The following HECTD4 variants were observed in gnomAD, a reference collection of about 807,000 sequenced individuals.
HECTD4 encodes the protein HECT domain E3 ubiquitin protein ligase 4, also known as probable E3 ubiquitin-protein ligase HECTD4.
A neutral mutation model predicts 471.5 loss-of-function variants in HECTD4; 114 were observed. The ratio of observed to expected loss-of-function variants is 0.24; its 90% CI spans 0.21 to 0.28. HECTD4 has a LOEUF of 0.28. Among genes scored for constraint, HECTD4 ranks in the 10% least tolerant of loss-of-function variants. The pLI is 1.00. For synonymous variants in HECTD4, 2,012 were observed against 2,256.0 expected, an observed-to-expected ratio of 0.89 and a Z score of 3.07; for missense variants, 3,866 against 5,651.5, an observed-to-expected ratio of 0.68 and a Z score of 10.13.
At chr12:112,170,553 C>G in intron 68 of HECTD4, 101 bp from the exon 69 acceptor site, 1 of 1,458,292 alleles carries the variant, frequency 6.9e-7, no homozygotes, top group Non-Finnish European at 9.3e-7. Context: ...CACTCTCAGG[C>G]CCCCTGGTGG....
chr12:112,171,247 G>T lies in HECTD4; in HGVS notation c.11802C>A (p.Ser3934Arg). The T allele has an allele frequency of 6.2e-7, 1 of 1,607,576 alleles. No individual in the cohort carries two copies. Among genetic ancestry groups the T allele is most frequent in the Non-Finnish European group, 8.5e-7 (1 of 1,177,284 alleles). Residue 3934 changes from serine to arginine, a missense_variant, in exon 68 of 76, where the codon AGC (serine) becomes AGA (arginine). Ser to Arg is a moderately radical substitution (Grantham distance 110). Transcript: ENST00000682272. ...VACLLNVPIESLRLRFALLQS... is the reference protein window; with the variant it reads ...VACLLNVPIERLRLRFALLQS... The stretch of plus-strand genomic sequence containing the variant: ...GCAGCAAGGCGAAGCGCAGGCGCAG[G>T]CTCTCGATGGGCACGTCTGAGGGCG...
Position 112,382,011 on chromosome 12 carries a change from G to A in HECTD4, c.118C>T (p.Leu40=). Residue 40 remains leucine (L), a synonymous_variant, in exon 1 of 76, where the codon CTG becomes TTG. Coordinates refer to ENST00000682272, the MANE Select transcript of HECTD4 (RefSeq NM_001388303.1). ...AGGATCTCGCTGGGCAGCTCGGCCA[G>A]GTCGGTGACCCGGATCAGCCCGTCG... ...LHDGLIRVTD[L]AELPSEILGA... The A allele has an allele frequency of 8.2e-7, 1 of 1,224,694 alleles. No individual in the cohort carries two copies. The highest frequency in any genetic ancestry group is 4.3e-5 in the Admixed American group (1 of 23,406). The allele number at this position is 1,224,694 out of a possible 1,614,324, so 75.9% of individuals were successfully genotyped here. A position where few individuals can be genotyped will look rare whatever the true frequency, so the allele number is the denominator to read the frequency against.
rs768860286 is a variant in HECTD4 at position 112,235,050 on chromosome 12, TGTA to T, written c.5915+24_5915+26del. On this transcript the variant is annotated intron_variant, in intron 37 of 75. Transcript: ENST00000682272. The surrounding 1 kb of genome is among the most constrained non-coding windows in gnomAD (Gnocchi z 5.0). Reference sequence around the variant, plus strand: ...GTGACATGGGTGGTGCTTGAGGATGTGTAGCTATCACAATCATTATGGTCACCT... The same window carrying T: ...GTGACATGGGTGGTGCTTGAGGATGTGCTATCACAATCATTATGGTCACCT... 3.7e-5 allele frequency: 57 copies of T among 1,546,820 alleles called. No individual in the cohort carries two copies. Among genetic ancestry groups the T allele is most frequent in the Non-Finnish European group, 4.9e-5 (56 of 1,143,754 alleles).
At chr12:112,265,813 C>T (rs2034255602) in intron 15 of HECTD4, 65 bp downstream of exon 15, 2 of 1,224,812 alleles carry the variant, frequency 1.6e-6, no homozygotes, top group African/African-American at 3.0e-5. Flanking sequence ...TGATCAAACA[C>T]ATTTAAATGT....
Position 112,194,927 on chromosome 12 carries a change from G to A in HECTD4, c.8707C>T (p.Leu2903=), listed in dbSNP as rs1413305236. The stretch of plus-strand genomic sequence containing the variant: ...AGGAGCTGATTGGACAGCAGTTGCA[G>A]GTGCTCCAGGGTAATGTCCCGGATG... The part of the protein sequence containing the change: ...PAIRDITLEH[L]QLLSNQLLAP... The change falls in exon 56 of 76, where the codon CTG becomes TTG. Residue 2903 remains leucine (L), a synonymous_variant. Coordinates refer to ENST00000682272, the MANE Select transcript of HECTD4 (RefSeq NM_001388303.1). This position sits in a 1 kb window ranked among gnomAD's most constrained non-coding sequence, Gnocchi z 4.6. 1 of 1,609,356 alleles carries A rather than the reference G, an allele frequency of 6.2e-7. No homozygotes were observed. Among genetic ancestry groups the A allele is most frequent in the South Asian group, 1.1e-5 (1 of 89,830 alleles).
Position 112,339,661 on chromosome 12 carries a change from C to G in HECTD4, c.178-19919G>C, listed in dbSNP as rs539877984. The stretch of plus-strand genomic sequence containing the variant: ...ATAGAGATACACAAACATGCACATA[C>G]ACATCCACTCAGACCTTTTAAATAC... On this transcript the variant is annotated intron_variant, in intron 1 of 75. Coordinates refer to ENST00000682272, the MANE Select transcript of HECTD4 (RefSeq NM_001388303.1). 6.6e-5 allele frequency among the ~76,000 whole-genome samples: 10 copies of G among 152,182 alleles called. No homozygotes were observed. The South Asian group carries it at 2.1e-3, about 32-fold the overall frequency.
At chr12:112,360,785 A>T (rs930444276) in intron 1 of HECTD4, among the ~76,000 whole-genome samples, 1 of 152,040 alleles carries the variant, frequency 6.6e-6, no homozygotes, top group Admixed American at 6.6e-5. Context: ...GGAGTTCGAG[A>T]CCAGCCTGGC....
chr12:112,182,320 AT>A (rs968616995), intron 62 of HECTD4, among the ~76,000 whole-genome samples: 5 of 151,634 alleles, frequency 3.3e-5, no homozygotes, highest in Non-Finnish European at 4.4e-5. Flanking sequence ...AAATAAAATA[AT>A]TTTTTTTAAA....
rs79649813 is a variant in HECTD4, at chr12:112,167,323, A to T, written c.12528T>A (p.Phe4176Leu). The T allele has an allele frequency of 6.5e-5, 104 of 1,610,190 alleles. 3 individuals are homozygous for T. Among genetic ancestry groups the T allele is most frequent in the Non-Finnish European group, 5.8e-5 (68 of 1,177,548 alleles). ...AACTGTGCCTTGCACTCACGCTCTC[A>T]AACTTCTTGACGTAATTGTAGGTGA... ...DILTYNYVKK[F>L]ESINDETELE... The change falls in exon 72 of 76, where the codon TTT becomes TTA. Residue 4176 changes from phenylalanine to leucine, a missense_variant. By Grantham distance (22) the Phe-to-Leu change is conservative. Coordinates refer to ENST00000682272, the MANE Select transcript of HECTD4 (RefSeq NM_001388303.1).
At chr12:112,247,900 A>G (rs538677486) in intron 27 of HECTD4, among the ~76,000 whole-genome samples, 167 bp downstream of exon 27, 2 of 152,114 alleles carry the variant, frequency 1.3e-5, no homozygotes, top group East Asian at 1.9e-4. Flanking sequence ...GATCTAATCA[A>G]TTTTCATTTA....
At chr12:112,371,266 C>T (rs1211238112) in intron 1 of HECTD4, among the ~76,000 whole-genome samples, 2 of 152,146 alleles carry the variant, frequency 1.3e-5, no homozygotes, top group East Asian at 3.9e-4. Context: ...AGCCACACTG[C>T]AAACAAATTG....
At chr12:112,371,622 T>C (rs6489840) in intron 1 of HECTD4, among the ~76,000 whole-genome samples, 35,634 of 150,528 alleles carry the variant, frequency 0.24, 6,859 homozygotes, top group East Asian at 0.85. Context: ...TACAGTGGCT[T>C]GTACCTGTAA....
rs1007101731 is a variant in HECTD4, at chr12:112,194,140, G to C, written c.8750-466C>G. 6.6e-6 allele frequency among the ~76,000 whole-genome samples: 1 copy of C among 152,198 alleles called. No homozygotes were observed. The highest frequency in any genetic ancestry group is 6.5e-5 in the Admixed American group (1 of 15,280). On this transcript the variant is annotated intron_variant, in intron 56 of 75. Transcript: ENST00000682272. The surrounding 1 kb of genome is among the most constrained non-coding windows in gnomAD (Gnocchi z 4.6). The stretch of plus-strand genomic sequence containing the variant: ...TTCAGGGCATCTAAGTTCTTGGGAT[G>C]GGCTGTGGACCCCAGGCGCTCATAT...
Position 112,172,708 on chromosome 12 carries a change from G to A in HECTD4, c.11748C>T (p.Pro3916=), listed in dbSNP as rs369083291. Residue 3916 remains proline (P), a synonymous_variant, in exon 67 of 76, where the codon CCC becomes CCT. Transcript: ENST00000682272. ...CCACTCTGGGGTCAGCAGCATCCGC[G>A]GGGTCCAGGTACACCTCATGGGGAT... ...RLHPHEVYLD[P]ADAADPRVAC... 2.6e-4 allele frequency: 422 copies of A among 1,614,002 alleles called. No individual in the cohort carries two copies. Among genetic ancestry groups the A allele is most frequent in the Non-Finnish European group, 3.4e-4 (396 of 1,179,884 alleles).
intron 41 of HECTD4, among the ~76,000 whole-genome samples, chr12:112,229,289 T>C (rs1017137302): frequency 4.6e-5 from 7 of 152,160 alleles, no homozygotes; most frequent in African/African-American, 1.7e-4. Flanking sequence ...ATTGCACCAT[T>C]GCACTTCAGC....
chr12:112,259,146 G>A lies in HECTD4; in HGVS notation c.2993C>T (p.Pro998Leu). The change falls in exon 19 of 76, where the codon CCT becomes CTT. Residue 998 changes from proline to leucine, a missense_variant. By Grantham distance (98) the Pro-to-Leu change is moderately conservative. Around this residue, in one of 16 missense-constraint regions of HECTD4, gnomAD observed 525 missense variants for 672.6 expected, o/e 0.78. Coordinates refer to ENST00000682272, the MANE Select transcript of HECTD4 (RefSeq NM_001388303.1). ...ATAGAGTACCAGCTGCACTAGCTGA[G>A]GCATCAGGGCATCCGCCATGATCAG... The part of the protein sequence containing the change: ...QTLIMADALM[P>L]QLVQLVLYTS... 6.2e-7 allele frequency: 1 copy of A among 1,613,640 alleles called. No homozygotes were observed. The highest frequency in any genetic ancestry group is 8.5e-7 in the Non-Finnish European group (1 of 1,179,800).
At chr12:112,250,701 C>T (rs747013745) in intron 24 of HECTD4, among the ~76,000 whole-genome samples, 22 of 152,190 alleles carry the variant, frequency 1.4e-4, no homozygotes, top group Non-Finnish European at 2.9e-4. Flanking sequence ...CACATCCACC[C>T]ATCCTCTTGG....
chr12:112,163,187 G>C lies in HECTD4; in HGVS notation c.12975C>G (p.Phe4325Leu), dbSNP rs781352011. Reference sequence around the variant, plus strand: ...TGAACTTGCACAGCTCCTCCTGGGTGAACATCTCCAGGGCCCCCCAGAAGA... The same window carrying C: ...TGAACTTGCACAGCTCCTCCTGGGTCAACATCTCCAGGGCCCCCCAGAAGA... ...IEFFWGALEMFTQEELCKFIK... is the reference protein window; with the variant it reads ...IEFFWGALEMLTQEELCKFIK... The change falls in exon 75 of 76, where the codon TTC becomes TTG. Residue 4325 changes from phenylalanine to leucine, a missense_variant. Physicochemically the swap from Phe to Leu is conservative, Grantham distance 22. Around this residue, in one of 16 missense-constraint regions of HECTD4, gnomAD observed 715 missense variants for 1,087.6 expected, o/e 0.66. Transcript: ENST00000682272. This position sits in a 1 kb window ranked among gnomAD's most constrained non-coding sequence, Gnocchi z 8.2. 2 of 1,613,968 alleles carry C rather than the reference G, an allele frequency of 1.2e-6. No individual in the cohort carries two copies. The highest frequency in any genetic ancestry group is 1.7e-6 in the Non-Finnish European group (2 of 1,179,840).
At position 112,246,930 on chromosome 12, in the gene HECTD4, C is replaced by T; in HGVS notation, c.4484G>A (p.Ser1495Asn). The change falls in exon 29 of 76, where the codon AGC becomes AAC. Residue 1495 changes from serine to asparagine, a missense_variant. Transcript: ENST00000682272. ...TIAAQSGLTRSISGTPAETPA... is the reference protein window; with the variant it reads ...TIAAQSGLTRNISGTPAETPA... ...TGTTTCAGCAGGGGTCCCAGAGATGCTTCTCGTGAGGCCCGACTGGGCTGC... is the reference window on the plus strand; with the variant it reads ...TGTTTCAGCAGGGGTCCCAGAGATGTTTCTCGTGAGGCCCGACTGGGCTGC... The T allele has an allele frequency of 6.2e-7, 1 of 1,612,134 alleles. No homozygotes were observed. Among genetic ancestry groups the T allele is most frequent in the Non-Finnish European group, 8.5e-7 (1 of 1,179,818 alleles).
Sources: allele counts gnomAD v4.1 joint callset (sites outside exome capture counted in the v4.1 genomes callset), GRCh38; gene constraint gnomAD v4.1.1; regional missense constraint gnomAD v4.1.1; non-coding constraint Gnocchi (gnomAD v3.1); transcripts MANE v1.5; gene names NCBI Gene and HGNC (gene_info 2026-07-23, HGNC 2026-07-21).